EML1: variants seen among roughly 807,000 people sequenced by gnomAD.
The protein encoded by EML1 is EMAP like 1, also known as echinoderm microtubule-associated protein-like 1.
EML1 carries 27 observed loss-of-function variants against 110.4 expected under a neutral mutation model. That is an observed-to-expected ratio of 0.24 (90% CI 0.18 to 0.34). EML1 has a LOEUF of 0.34. EML1 is among the 10% of genes least tolerant of loss of function. EML1 has a pLI of 1.00. For missense variants in EML1, 741 were observed against 1,030.9 expected, an observed-to-expected ratio of 0.72 and a Z score of 3.85; for synonymous variants, 344 against 385.8, an observed-to-expected ratio of 0.89 and a Z score of 1.27.
intron 1 of EML1, among the ~76,000 whole-genome samples, chr14:99,819,773 G>T (rs771862119): frequency 6.6e-6 from 1 of 152,194 alleles, no homozygotes; most frequent in Admixed American, 6.5e-5. Context: ...CCAGCCTCTC[G>T]CACCGAGCAT....
At chr14:99,934,979 A>G (rs2060442153) in intron 17 of EML1, among the ~76,000 whole-genome samples, 1 of 152,138 alleles carries the variant, frequency 6.6e-6, no homozygotes, top group African/African-American at 2.4e-5. Context: ...ACATACCAAG[A>G]TACCCCTGGG....
At chr14:99,742,648 G>A (rs570861865) in intron 1 of EML1, among the ~76,000 whole-genome samples, 18 of 152,212 alleles carry the variant, frequency 1.2e-4, no homozygotes, top group African/African-American at 4.3e-4. Context: ...CACTTTCAGG[G>A]CTCCATGGGG....
At chr14:99,756,465 A>G (rs942082079) in intron 1 of EML1, among the ~76,000 whole-genome samples, 1 of 152,218 alleles carries the variant, frequency 6.6e-6, no homozygotes, top group Admixed American at 6.5e-5. Context: ...GGGTTCCCAC[A>G]GTGAATGGCT....
chr14:99,805,856 G>A (rs150428197), intron 1 of EML1, among the ~76,000 whole-genome samples: 2 of 151,834 alleles, frequency 1.3e-5, no homozygotes, highest in Admixed American at 1.3e-4. Context: ...ATTTTTAAGT[G>A]TACAGTTCAT....
chr14:99,737,838 G>T (rs373070475), exon 1 of EML1: 1 of 1,289,168 alleles, frequency 7.8e-7, no homozygotes, highest in South Asian at 1.2e-5. Flanking sequence ...ACACCATGTC[G>T]GACGGCGAGG....
intron 1 of EML1, 140 bp downstream of exon 1, chr14:99,793,683 C>A: frequency 1.8e-6 from 1 of 556,242 alleles, no homozygotes; most frequent in Non-Finnish European, 2.3e-6. Context: ...GAGGGGCGCG[C>A]GGTCCCCGTT....
intron 1 of EML1, among the ~76,000 whole-genome samples, chr14:99,762,436 C>G (rs532749254): frequency 1.1e-3 from 160 of 152,256 alleles, no homozygotes; most frequent in African/African-American, 3.8e-3. Context: ...ACTGTTTGGG[C>G]TTCTAATACT....
intron 3 of EML1, among the ~76,000 whole-genome samples, chr14:99,871,843 G>T (rs867779365): frequency 9.2e-5 from 14 of 152,298 alleles, no homozygotes; most frequent in Admixed American, 2.6e-4. Context: ...TGACAATAAA[G>T]GGTTTAGAGT....
chr14:99,932,213 G>C (rs1347338242), intron 17 of EML1, among the ~76,000 whole-genome samples: 1 of 152,200 alleles, frequency 6.6e-6, no homozygotes, highest in Non-Finnish European at 1.5e-5. Context: ...CCAGGCAGAG[G>C]TGAGCTTCAA....
At chr14:99,864,171 A>C (rs1362636264) in intron 2 of EML1, among the ~76,000 whole-genome samples, 1 of 152,120 alleles carries the variant, frequency 6.6e-6, no homozygotes, top group African/African-American at 2.4e-5. Context: ...TCTTTTGCCC[A>C]TTTTTTTAAT....
intron 1 of EML1, among the ~76,000 whole-genome samples, chr14:99,778,547 C>T (rs1191340060): frequency 6.6e-6 from 1 of 152,134 alleles, no homozygotes; most frequent in Non-Finnish European, 1.5e-5. Flanking sequence ...CCTGCAGATT[C>T]CTTTTATTTC....
intron 1 of EML1, among the ~76,000 whole-genome samples, chr14:99,782,297 G>A (rs569790512): frequency 6.6e-6 from 1 of 152,316 alleles, no homozygotes; most frequent in African/African-American, 2.4e-5. Context: ...CTCAGGCCAG[G>A]CCCCTGAGCC....
At chr14:99,798,316 G>A (rs2057812637) in intron 1 of EML1, among the ~76,000 whole-genome samples, 1 of 151,434 alleles carries the variant, frequency 6.6e-6, no homozygotes, top group Non-Finnish European at 1.5e-5. Context: ...ACAACTGAAT[G>A]TGGTATTCCA....
chr14:99,800,219 A>G (rs2057849610), intron 1 of EML1, among the ~76,000 whole-genome samples: 1 of 152,114 alleles, frequency 6.6e-6, no homozygotes, highest in South Asian at 2.1e-4. Context: ...CTGCACATTC[A>G]TTTTAATCTG....
intron 1 of EML1, among the ~76,000 whole-genome samples, chr14:99,779,621 G>A (rs912823792): frequency 2.6e-5 from 4 of 152,118 alleles, no homozygotes; most frequent in South Asian, 2.1e-4. Context: ...CCAACCTCTA[G>A]GTCTTTCCAC....
chr14:99,811,998 G>T (rs956866520), intron 1 of EML1, among the ~76,000 whole-genome samples: 4 of 151,786 alleles, frequency 2.6e-5, no homozygotes, highest in Non-Finnish European at 4.4e-5. Flanking sequence ...GGTGGCACAG[G>T]TGGCAGAAAA....
Position 99,940,232 on chromosome 14 carries a change from C to T in EML1, c.*120C>T. ...CTTACAAACCTCAGGAAAACTGTGCCCTCCGCCGGCTACCTTAGCTTAGCG... is the reference window on the plus strand; with the variant it reads ...CTTACAAACCTCAGGAAAACTGTGCTCTCCGCCGGCTACCTTAGCTTAGCG... On this transcript the variant is annotated 3_prime_UTR_variant, in exon 22 of 22. Transcript: ENST00000262233. 1 of 1,313,826 alleles carries T rather than the reference C, an allele frequency of 7.6e-7. No homozygotes were observed. The highest frequency in any genetic ancestry group is 9.8e-7 in the Non-Finnish European group (1 of 1,022,782). 81.4% of individuals were successfully genotyped at this position (1,313,826 alleles called of 1,614,324 possible). A position where few individuals can be genotyped will look rare whatever the true frequency, so the allele number is the denominator to read the frequency against.
intron 1 of EML1, among the ~76,000 whole-genome samples, chr14:99,809,083 A>G (rs1836618199): frequency 6.6e-6 from 1 of 152,184 alleles, no homozygotes; most frequent in Admixed American, 6.5e-5. Flanking sequence ...TCTTCATGTT[A>G]GCATCCGTGT....
chr14:99,806,038 T>G (rs1488341824), intron 1 of EML1, among the ~76,000 whole-genome samples: 7 of 152,162 alleles, frequency 4.6e-5, no homozygotes, highest in Non-Finnish European at 1.0e-4. Context: ...ACTTTAGATA[T>G]CTCATGTAAG....
Sources: gnomAD v4.1 joint callset for allele counts (sites outside exome capture counted in the v4.1 genomes callset) on GRCh38, gnomAD v4.1.1 for gene constraint, MANE v1.5 for transcripts, NCBI Gene and HGNC (gene_info 2026-07-23, HGNC 2026-07-21) for gene names.